The following MME variants were observed in gnomAD, a reference collection of about 807,000 sequenced individuals.
MME encodes neprilysin.
A neutral mutation model predicts 113.2 loss-of-function variants in MME; 98 were observed. The observed-to-expected ratio is 0.87, with a 90% CI of 0.74 to 1.02. The LOEUF is 1.02. Ranked by LOEUF, MME falls within the 50% of genes least tolerant of loss-of-function variation. The pLI, the probability that MME is intolerant of heterozygous loss-of-function variation, is 0.00. For missense variants in MME, 836 were observed against 896.0 expected (o/e 0.93, Z 0.86); for synonymous variants, 292 against 300.6 (o/e 0.97, Z 0.30).
chr3:155,152,731 C>T (rs1427777822), intron 16 of MME, among the ~76,000 whole-genome samples: 1 of 151,976 alleles, frequency 6.6e-6, no homozygotes, highest in Non-Finnish European at 1.5e-5. Flanking sequence ...ATGCCAGCTA[C>T]TCAGGAGGCT....
chr3:155,135,492 G>A (rs1412160636), intron 8 of MME, among the ~76,000 whole-genome samples: 1 of 152,048 alleles, frequency 6.6e-6, no homozygotes, highest in African/African-American at 2.4e-5. Context: ...CCATTGGTCT[G>A]TGTGTCTATT....
At chr3:155,173,132 G>A (rs1225187439) in intron 22 of MME, among the ~76,000 whole-genome samples, 10 of 152,082 alleles carry the variant, frequency 6.6e-5, no homozygotes, top group Non-Finnish European at 1.3e-4. Flanking sequence ...AACTGAGCTA[G>A]AAGAAGTTAA....
intron 1 of MME, among the ~76,000 whole-genome samples, chr3:155,067,542 C>T (rs1178334809): frequency 6.6e-6 from 1 of 151,862 alleles, no homozygotes; most frequent in East Asian, 1.9e-4. Flanking sequence ...AACTCCTGAC[C>T]TCGTGATCTG....
chr3:155,152,414 A>G (rs1014682683), intron 16 of MME, among the ~76,000 whole-genome samples: 15 of 152,304 alleles, frequency 9.8e-5, no homozygotes, highest in Admixed American at 3.9e-4. Context: ...CAAAAACCAG[A>G]TATTTGTGTC....
intron 1 of MME, among the ~76,000 whole-genome samples, chr3:155,035,840 G>C (rs1713110249): frequency 6.6e-6 from 1 of 152,168 alleles, no homozygotes; most frequent in Non-Finnish European, 1.5e-5. Flanking sequence ...TTTTGAAACA[G>C]AAAGTTGCCA....
intron 16 of MME, among the ~76,000 whole-genome samples, chr3:155,153,230 T>A (rs1722070067): frequency 6.6e-6 from 1 of 152,104 alleles, no homozygotes; most frequent in Admixed American, 6.5e-5. Context: ...CTTCACCATG[T>A]TGGCCAGGCT....
chr3:155,063,876 T>A (rs1714287651), intron 1 of MME, among the ~76,000 whole-genome samples: 1 of 151,446 alleles, frequency 6.6e-6, no homozygotes, highest in South Asian at 2.1e-4. Context: ...CAAATTCATA[T>A]GTTGAAGCCC....
intron 1 of MME, among the ~76,000 whole-genome samples, chr3:155,070,365 A>G (rs958790961): frequency 2.6e-5 from 4 of 152,220 alleles, no homozygotes; most frequent in African/African-American, 9.6e-5. Flanking sequence ...TAAACAGTAT[A>G]ATGAAAGTAT....
chr3:155,133,039 T>A (rs1576625685), intron 8 of MME, among the ~76,000 whole-genome samples: 17 of 48,018 alleles, frequency 3.5e-4, no homozygotes, highest in Middle Eastern at 0.022. Context: ...AAACCCCGTC[T>A]AAAAAAAAAA....
chr3:155,148,958 T>C (rs540946856), intron 16 of MME, among the ~76,000 whole-genome samples: 2 of 152,284 alleles, frequency 1.3e-5, no homozygotes, highest in South Asian at 4.1e-4. Flanking sequence ...TTAGCTTAAG[T>C]AAGCCAATTC....
chr3:155,101,384 T>A (rs1717202740), intron 3 of MME, among the ~76,000 whole-genome samples: 1 of 152,118 alleles, frequency 6.6e-6, no homozygotes, highest in Non-Finnish European at 1.5e-5. Context: ...ATTGGTTGAG[T>A]ACCATATGGA....
chr3:155,149,280 G>C (rs977669155), intron 16 of MME, among the ~76,000 whole-genome samples: 1 of 151,980 alleles, frequency 6.6e-6, no homozygotes, highest in Non-Finnish European at 1.5e-5. Flanking sequence ...TTTATGCACC[G>C]AAATTCCTAG....
upstream of MME, among the ~76,000 whole-genome samples, chr3:155,076,667 T>C (rs899754915): frequency 6.6e-6 from 1 of 152,212 alleles, no homozygotes; most frequent in African/African-American, 2.4e-5. Flanking sequence ...AGCAGCAGCA[T>C]AGGCGGCTTG....
intron 1 of MME, among the ~76,000 whole-genome samples, chr3:155,058,666 A>G (rs766400402): frequency 2.0e-5 from 3 of 152,200 alleles, no homozygotes; most frequent in Non-Finnish European, 2.9e-5. Flanking sequence ...ATAAGTTGAG[A>G]AAACCATAAA....
At position 155,121,363 on chromosome 3, in the gene MME, C is replaced by T. The variant is rs1379076387; in HGVS notation, c.720+2552C>T. On this transcript the variant is annotated intron_variant, in intron 8 of 22. Transcript: ENST00000360490. Reference sequence around the variant, plus strand: ...GATATACAATCATGTCTTCTGCAAACAGGGACAATTTGACTTCCTCTTTTC... The same window carrying T: ...GATATACAATCATGTCTTCTGCAAATAGGGACAATTTGACTTCCTCTTTTC... Among the ~76,000 whole-genome samples the T allele has an allele frequency of 3.3e-5, 5 of 151,026 alleles. No individual in the cohort carries two copies. In the East Asian group the frequency reaches 9.8e-4, roughly 30 times the overall value.
At chr3:155,172,722 G>GA in intron 22 of MME, 110 bp downstream of exon 22, 1 of 747,876 alleles carries the variant, frequency 1.3e-6, no homozygotes, top group Admixed American at 2.4e-5. Flanking sequence ...GAAATTCAGT[G>GA]CTTTTTTTTT....
intron 1 of MME, among the ~76,000 whole-genome samples, chr3:155,039,512 CT>C (rs1001231328): frequency 6.6e-6 from 1 of 151,462 alleles, no homozygotes; most frequent in East Asian, 1.9e-4. Context: ...TAAATAGCCA[CT>C]TTTTTTTTCT....
chr3:155,077,127 C>G (rs531632352), upstream of MME, among the ~76,000 whole-genome samples: 20 of 152,306 alleles, frequency 1.3e-4, no homozygotes, highest in African/African-American at 4.8e-4. Flanking sequence ...TGGAGTTGCT[C>G]TGGTCCAAAT....
intron 8 of MME, among the ~76,000 whole-genome samples, chr3:155,137,898 T>C (rs1428971528): frequency 6.6e-6 from 1 of 151,536 alleles, no homozygotes; most frequent in East Asian, 2.0e-4. Flanking sequence ...GATACCTCAT[T>C]GCTCTCCTTT....
Sources: gnomAD v4.1 joint callset for allele counts (sites outside exome capture counted in the v4.1 genomes callset) on GRCh38, gnomAD v4.1.1 for gene constraint, MANE v1.5 for transcripts, NCBI Gene and HGNC (gene_info 2026-07-23, HGNC 2026-07-21) for gene names.